Variants in PPP6R3 observed in about 807,000 individuals in gnomAD.
PPP6R3 encodes the protein serine/threonine-protein phosphatase 6 regulatory subunit 3.
A neutral mutation model predicts 110.7 loss-of-function variants in PPP6R3; 38 were observed. The observed-to-expected ratio is 0.34, with a 90% CI of 0.26 to 0.45. PPP6R3 has a LOEUF of 0.45. Among genes scored for constraint, PPP6R3 ranks in the 20% least tolerant of loss-of-function variants. PPP6R3 has a pLI of 1.00. For missense variants in PPP6R3, 870 were observed against 1,062.4 expected, an observed-to-expected ratio of 0.82 and a Z score of 2.52; for synonymous variants, 369 against 373.5, an observed-to-expected ratio of 0.99 and a Z score of 0.14.
intron 14 of PPP6R3, among the ~76,000 whole-genome samples, chr11:68,576,422 T>C (rs1049511097): frequency 6.6e-6 from 1 of 152,214 alleles, no homozygotes; most frequent in African/African-American, 2.4e-5. Context: ...AAGATTCAGT[T>C]GGATATTTTT....
intron 1 of PPP6R3, among the ~76,000 whole-genome samples, chr11:68,499,507 T>C (rs985475044): frequency 9.9e-5 from 15 of 152,142 alleles, no homozygotes; most frequent in Non-Finnish European, 1.0e-4. Flanking sequence ...TTTTGTGACC[T>C]AGTCTTGGAA....
At chr11:68,510,234 C>A (rs1437311596) in intron 1 of PPP6R3, among the ~76,000 whole-genome samples, 3 of 151,678 alleles carry the variant, frequency 2.0e-5, no homozygotes, top group Non-Finnish European at 4.4e-5. Context: ...ATGAAGAAAT[C>A]GATACTCAGG....
intron 9 of PPP6R3, among the ~76,000 whole-genome samples, chr11:68,565,492 C>A (rs2099459503): frequency 6.6e-6 from 1 of 151,652 alleles, no homozygotes; most frequent in South Asian, 2.1e-4. Context: ...CATGCCAGTC[C>A]TGGGAAGAAA....
At chr11:68,501,997 A>G (rs2153483611) in intron 1 of PPP6R3, among the ~76,000 whole-genome samples, 2 of 152,312 alleles carry the variant, frequency 1.3e-5, no homozygotes, top group South Asian at 4.1e-4. Flanking sequence ...AACCTGCTGT[A>G]TGTTGTTTTG....
chr11:68,524,505 A>G (rs1476478368), intron 2 of PPP6R3, among the ~76,000 whole-genome samples: 3 of 152,014 alleles, frequency 2.0e-5, no homozygotes, highest in Non-Finnish European at 2.9e-5. Context: ...ATCTGTTACT[A>G]TATTCTGGGA....
chr11:68,565,927 G>A (rs1451413054), intron 9 of PPP6R3, among the ~76,000 whole-genome samples: 1 of 152,176 alleles, frequency 6.6e-6, no homozygotes, highest in East Asian at 1.9e-4. Flanking sequence ...GTCCTCGGGA[G>A]GATGGGAGCC....
chr11:68,542,389 G>GTTTTTTTTTTGTTTGT lies in PPP6R3; in HGVS notation c.228-2439_228-2438insGTTTGTTTTTTTTTTT, dbSNP rs1555132282. ...ATCTTTGGGTGCTTGAGAAGCTGCT[G>GTTTTTTTTTTGTTTGT]TTTTTTTTTTTTTTTTTTTTTTAAG... On this transcript the variant is annotated intron_variant, in intron 3 of 23. Transcript: ENST00000393800. Among the ~76,000 whole-genome samples, 2 of 40,188 alleles carry GTTTTTTTTTTGTTTGT rather than the reference G, an allele frequency of 5.0e-5. 1 individual carries two copies. Among genetic ancestry groups the GTTTTTTTTTTGTTTGT allele is most frequent in the Non-Finnish European group, 8.3e-5 (2 of 24,216 alleles). 26.4% of individuals were successfully genotyped at this position (40,188 alleles called of 152,430 possible).
intron 3 of PPP6R3, among the ~76,000 whole-genome samples, chr11:68,538,500 C>G (rs912172340): frequency 2.0e-5 from 3 of 152,232 alleles, no homozygotes; most frequent in African/African-American, 7.2e-5. Flanking sequence ...ATATCCAACT[C>G]TATTGAAATA....
chr11:68,464,250 GC>G (rs1308196482), intron 1 of PPP6R3, among the ~76,000 whole-genome samples: 2 of 152,044 alleles, frequency 1.3e-5, no homozygotes, highest in East Asian at 3.9e-4. Flanking sequence ...CTCTGCCTCA[GC>G]CTCCCTAGTG....
chr11:68,500,695 C>G (rs545557500), intron 1 of PPP6R3, among the ~76,000 whole-genome samples: 10 of 152,268 alleles, frequency 6.6e-5, no homozygotes, highest in Non-Finnish European at 1.2e-4. Context: ...CCAGGCTGGT[C>G]TTGAACTCCT....
chr11:68,603,322 A>G lies in PPP6R3; in HGVS notation c.2300-20A>G, dbSNP rs200217019. ...CTTTTCGGGCTTGCTGTGTGTGACC[A>G]TCAGCTGTGTTCTTTTCAGCGGCAG... On this transcript the variant is annotated intron_variant, in intron 21 of 23. Transcript: ENST00000393800. The G allele has an allele frequency of 2.5e-6, 4 of 1,613,066 alleles. No individual in the cohort carries two copies. The highest frequency in any genetic ancestry group is 2.2e-5 in the East Asian group (1 of 44,842).
intron 8 of PPP6R3, among the ~76,000 whole-genome samples, chr11:68,560,461 G>A (rs1451153415): frequency 6.6e-6 from 1 of 152,224 alleles, no homozygotes; most frequent in Non-Finnish European, 1.5e-5. Context: ...CAGTTTATAT[G>A]TGATGGACAA....
At chr11:68,527,876 G>T (rs1328173999) in intron 2 of PPP6R3, among the ~76,000 whole-genome samples, 1 of 152,148 alleles carries the variant, frequency 6.6e-6, no homozygotes, top group East Asian at 1.9e-4. Flanking sequence ...GGGTCTTCCT[G>T]TCCACTGCTT....
intron 1 of PPP6R3, among the ~76,000 whole-genome samples, chr11:68,499,898 A>G (rs1166886850): frequency 6.6e-6 from 1 of 152,160 alleles, no homozygotes; most frequent in East Asian, 1.9e-4. Context: ...AACAACAGTT[A>G]GTAGGATTTT....
intron 1 of PPP6R3, among the ~76,000 whole-genome samples, chr11:68,481,303 C>CCTGTCT (rs2098909648): frequency 6.6e-6 from 1 of 152,174 alleles, no homozygotes; most frequent in South Asian, 2.1e-4. Context: ...CAGTTCTGGT[C>CCTGTCT]CTGTCTCTGC....
intron 14 of PPP6R3, among the ~76,000 whole-genome samples, chr11:68,580,187 C>A (rs1011763480): frequency 6.6e-6 from 1 of 152,034 alleles, no homozygotes; most frequent in African/African-American, 2.4e-5. Flanking sequence ...CATGTTGTCC[C>A]GTGTGGATGT....
chr11:68,549,230 C>A (rs1014397588), intron 5 of PPP6R3, among the ~76,000 whole-genome samples: 1 of 152,218 alleles, frequency 6.6e-6, no homozygotes, highest in Non-Finnish European at 1.5e-5. Flanking sequence ...TTTGCAGAAC[C>A]ATGCTTCAGT....
At chr11:68,568,921 C>T (rs1462533449) in intron 10 of PPP6R3, among the ~76,000 whole-genome samples, 3 of 152,080 alleles carry the variant, frequency 2.0e-5, no homozygotes, top group Non-Finnish European at 4.4e-5. Context: ...CCCGCCACCA[C>T]ACCCAGCGAT....
At chr11:68,496,323 A>C in intron 1 of PPP6R3, among the ~76,000 whole-genome samples, 1 of 151,468 alleles carries the variant, frequency 6.6e-6, no homozygotes, top group East Asian at 1.9e-4. Context: ...CACCATGCCC[A>C]GCCTTTCCCA....
Sources: allele counts gnomAD v4.1 joint callset (sites outside exome capture counted in the v4.1 genomes callset), GRCh38; gene constraint gnomAD v4.1.1; transcripts MANE v1.5; gene names NCBI Gene and HGNC (gene_info 2026-07-23, HGNC 2026-07-21).